MYO1F: variants seen among roughly 807,000 people sequenced by gnomAD.
The protein encoded by MYO1F is unconventional myosin-If.
In MYO1F, 60 loss-of-function variants were observed where a neutral mutation model predicts 146.6. The ratio of observed to expected loss-of-function variants is 0.41; its 90% CI spans 0.33 to 0.51. The LOEUF (loss-of-function observed/expected upper bound fraction) is 0.51. Among genes scored for constraint, MYO1F ranks in the 20% least tolerant of loss-of-function variants. The pLI, the probability that MYO1F is intolerant of heterozygous loss-of-function variation, is 0.25. For synonymous variants in MYO1F, 602 were observed against 602.1 expected (o/e 1.00, Z 0.00); for missense variants, 1,274 against 1,534.3 (o/e 0.83, Z 2.83).
In MYO1F at chr19:8,526,667, G is replaced by GT. The variant is rs1169853565; in HGVS notation, c.2622-67dup. 76 of 1,554,890 alleles carry GT rather than the reference G, an allele frequency of 4.9e-5. No homozygotes were observed. In the African/African-American group the frequency reaches 8.4e-4, roughly 17 times the overall value. ...CCCCCGCCCCACCCAACTCTCGCTGGTTGGGGCAGGGGCGGGGCCGCGGCC... is the reference window on the plus strand; with the variant it reads ...CCCCCGCCCCACCCAACTCTCGCTGGTTTGGGGCAGGGGCGGGGCCGCGGCC... On this transcript the variant is annotated intron_variant, in intron 23 of 27. Coordinates refer to ENST00000644032, the MANE Select transcript of MYO1F (RefSeq NM_012335.4).
intron 1 of MYO1F, among the ~76,000 whole-genome samples, chr19:8,562,721 A>G (rs1178430175): frequency 6.7e-6 from 1 of 149,952 alleles, no homozygotes; most frequent in Non-Finnish European, 1.5e-5. Context: ...TTTTTTACAG[A>G]TGGGGTCTCC....
intron 23 of MYO1F, 83 bp from the exon 24 acceptor site, chr19:8,526,684 G>C: frequency 6.5e-7 from 1 of 1,538,026 alleles, no homozygotes; most frequent in South Asian, 1.2e-5. Context: ...CAGGGGCGGG[G>C]CCGCGGCCGG....
intron 1 of MYO1F, among the ~76,000 whole-genome samples, chr19:8,557,645 C>T (rs1568365310): frequency 6.6e-6 from 1 of 152,140 alleles, no homozygotes; most frequent in Non-Finnish European, 1.5e-5. Flanking sequence ...TGTCACTCCA[C>T]CTAGTACCCC....
At chr19:8,535,509 ATCC>A (rs1568339846) in intron 19 of MYO1F, among the ~76,000 whole-genome samples, 1 of 152,004 alleles carries the variant, frequency 6.6e-6, no homozygotes, top group Non-Finnish European at 1.5e-5. Context: ...GCTTCAAACC[ATCC>A]TCCTGCCTCA....
chr19:8,576,657 G>C (rs2042244178), intron 1 of MYO1F: 1 of 156,780 alleles, frequency 6.4e-6, no homozygotes. Flanking sequence ...CTCCTCTTGG[G>C]ATAAGGGATG....
intron 4 of MYO1F, among the ~76,000 whole-genome samples, chr19:8,553,894 A>ACACACACACACACACACACACACACTCT: frequency 7.8e-5 from 8 of 102,668 alleles, no homozygotes; most frequent in East Asian, 3.1e-4. Context: ...ACACACACAC[A>ACACACACACACACACACACACACACTCT]CTCTCTCTCT....
chr19:8,558,600 CTT>C (rs1021637967), intron 1 of MYO1F, among the ~76,000 whole-genome samples: 15 of 152,218 alleles, frequency 9.9e-5, no homozygotes, highest in African/African-American at 3.6e-4. Context: ...AACACCCTGG[CTT>C]TCTCAGGCTC....
At chr19:8,525,199 C>CAAAAAA (rs60806727) in intron 25 of MYO1F, 30 of 80,332 alleles carry the variant, frequency 3.7e-4, no homozygotes, top group African/African-American at 9.8e-4. Flanking sequence ...GACTCCATCT[C>CAAAAAA]AAAAAAAAAA....
intron 19 of MYO1F, among the ~76,000 whole-genome samples, chr19:8,535,117 G>A (rs1972650046): frequency 6.6e-6 from 1 of 152,090 alleles, no homozygotes; most frequent in African/African-American, 2.4e-5. Context: ...TCACCATGTT[G>A]GCCAGGCTGG....
chr19:8,576,721 A>G lies in MYO1F; in HGVS notation c.3+586T>C, dbSNP rs566578557. 8.6e-5 allele frequency: 14 copies of G among 162,746 alleles called. No homozygotes were observed. In the South Asian group the frequency reaches 2.0e-3, roughly 24 times the overall value. The allele number at this position is 162,746 out of a possible 1,614,324, so 10.1% of individuals were successfully genotyped here. A position where few individuals can be genotyped will look rare whatever the true frequency, so the allele number is the denominator to read the frequency against. ...AGCCTCTCCTGCCTCTGCTGCAGCC[A>G]TACCGCCCGTCACCGGCACAGGGAG... On this transcript the variant is annotated intron_variant, in intron 1 of 27. Coordinates refer to ENST00000644032, the MANE Select transcript of MYO1F (RefSeq NM_012335.4).
chr19:8,544,605 G>T (rs1309844130), intron 13 of MYO1F, 141 bp from the exon 14 acceptor site: 5 of 871,278 alleles, frequency 5.7e-6, no homozygotes, highest in African/African-American at 1.7e-5. Flanking sequence ...GGCACCAGGG[G>T]CTTCAAATAC....
chr19:8,560,029 G>T (rs1974019059), intron 1 of MYO1F, among the ~76,000 whole-genome samples: 1 of 151,764 alleles, frequency 6.6e-6, no homozygotes, highest in Admixed American at 6.6e-5. Flanking sequence ...GGATGTAGAT[G>T]GTTGATACTG....
chr19:8,545,620 C>T (rs770549021), intron 13 of MYO1F, 30 bp downstream of exon 13: 140 of 1,580,602 alleles, frequency 8.9e-5, no homozygotes, highest in Middle Eastern at 1.7e-4. Flanking sequence ...ACCAGTGAGA[C>T]GCCCCCGCCA....
At chr19:8,551,957 T>G (rs760952887) in intron 7 of MYO1F, 76 bp downstream of exon 7, 30 of 1,613,664 alleles carry the variant, frequency 1.9e-5, no homozygotes, top group East Asian at 1.8e-4. Context: ...CATGCCCCCC[T>G]AGGTGTTTAC....
chr19:8,543,475 G>A (rs896231213), intron 14 of MYO1F, among the ~76,000 whole-genome samples: 15 of 151,290 alleles, frequency 9.9e-5, no homozygotes, highest in African/African-American at 3.6e-4. Context: ...TAGTCAGGGG[G>A]TTATGACTCA....
intron 1 of MYO1F, among the ~76,000 whole-genome samples, chr19:8,561,812 G>A (rs756161653): frequency 1.3e-5 from 2 of 151,380 alleles, no homozygotes; most frequent in Non-Finnish European, 2.9e-5. Context: ...TACCTCCCAG[G>A]TTCAAACGAT....
intron 15 of MYO1F, 83 bp downstream of exon 15, chr19:8,541,822 TG>T: frequency 7.9e-7 from 1 of 1,261,124 alleles, no homozygotes; most frequent in Non-Finnish European, 1.2e-6. Context: ...ATGGCAGTTC[TG>T]GGTAAGATGG....
In MYO1F at chr19:8,550,350, G is replaced by T. The variant is rs759899326; in HGVS notation, c.911C>A (p.Ala304Asp). 1.2e-6 allele frequency: 2 copies of T among 1,611,422 alleles called. No individual in the cohort carries two copies. The highest frequency in any genetic ancestry group is 1.7e-6 in the Non-Finnish European group (2 of 1,178,942). ...YARVESVDLLAFPAYLLGIDS... is the reference protein window; with the variant it reads ...YARVESVDLLDFPAYLLGIDS... ...AATGCCCAGCAGGTAGGCGGGAAAGGCCAGGACTACCAGGGCAAAGGTCAG... is the reference window on the plus strand; with the variant it reads ...AATGCCCAGCAGGTAGGCGGGAAAGTCCAGGACTACCAGGGCAAAGGTCAG... Residue 304 changes from alanine to aspartate, a missense_variant, in exon 10 of 28, where the codon GCC becomes GAC. This residue lies in a region of MYO1F where 900 missense variants were observed against 1,155.1 expected (regional missense o/e 0.78). Transcript: ENST00000644032.
chr19:8,564,562 G>A (rs1383976774), intron 1 of MYO1F, among the ~76,000 whole-genome samples: 2 of 151,998 alleles, frequency 1.3e-5, no homozygotes, highest in African/African-American at 2.4e-5. Flanking sequence ...CCAGGCAGGG[G>A]AGGCCCAGAT....
Sources: allele counts gnomAD v4.1 joint callset (sites outside exome capture counted in the v4.1 genomes callset), GRCh38; gene constraint gnomAD v4.1.1; regional missense constraint gnomAD v4.1.1; transcripts MANE v1.5; gene names NCBI Gene and HGNC (gene_info 2026-07-23, HGNC 2026-07-21).